Variants in NUTF2 observed in about 807,000 individuals in gnomAD.
NUTF2 encodes placental protein 15.
Under a neutral mutation model 18.5 loss-of-function variants are expected in NUTF2, and 3 were observed. That is an observed-to-expected ratio of 0.16 (90% CI 0.07 to 0.42). The LOEUF (loss-of-function observed/expected upper bound fraction) is 0.42. Ranked by LOEUF, NUTF2 falls within the 10% of genes least tolerant of loss-of-function variation. The probability of loss-of-function intolerance (pLI) is 0.99; values close to 1 mark genes in which losing one functional copy is unlikely to be tolerated. For missense variants in NUTF2, 44 were observed against 160.7 expected (o/e 0.27, Z 3.93); for synonymous variants, 51 against 57.9 (o/e 0.88, Z 0.54).
intron 1 of NUTF2, among the ~76,000 whole-genome samples, chr16:67,850,982 G>A (rs1235412399): frequency 4.7e-5 from 7 of 150,532 alleles, no homozygotes; most frequent in Non-Finnish European, 7.4e-5. Flanking sequence ...TGTATTCTTA[G>A]TAGAGATGGG....
At chr16:67,864,919 G>A (rs1270068640) in intron 1 of NUTF2, among the ~76,000 whole-genome samples, 183 bp from the exon 2 acceptor site, 2 of 152,132 alleles carry the variant, frequency 1.3e-5, no homozygotes, top group Non-Finnish European at 2.9e-5. Flanking sequence ...CTACCTCTGG[G>A]CTCCTAGCAC....
intron 1 of NUTF2, among the ~76,000 whole-genome samples, chr16:67,862,854 G>A (rs750352760): frequency 6.6e-6 from 1 of 152,180 alleles, no homozygotes; most frequent in Non-Finnish European, 1.5e-5. Flanking sequence ...ACATTTGCTG[G>A]TGCTGTTTCT....
At position 67,868,369 on chromosome 16, in the gene NUTF2, A is replaced by G. The variant is rs1028921675; in HGVS notation, c.129A>G (p.Gly43=). Residue 43 remains glycine (G), a synonymous_variant, in exon 3 of 5, where the codon GGA becomes GGG. Transcript: ENST00000219169. ...ACGCGTCATGCCTTACGTGGGAAGG[A>G]CAACAGTTCCAGGGGAAAGCTGCCA... ...YIDASCLTWE[G]QQFQGKAAIV... 2.5e-6 allele frequency: 4 copies of G among 1,614,116 alleles called. No individual in the cohort carries two copies. The highest frequency in any genetic ancestry group is 1.6e-4 in the Middle Eastern group (1 of 6,062).
rs2058019561 is a variant in NUTF2, at chr16:67,872,334, C to A, written c.*1421C>A. 1 of 152,288 alleles carries A rather than the reference C, an allele frequency of 6.6e-6. No homozygotes were observed. The highest frequency in any genetic ancestry group is 2.1e-4 in the South Asian group (1 of 4,828). 9.4% of individuals were successfully genotyped at this position (152,288 alleles called of 1,614,324 possible). On this transcript the variant is annotated 3_prime_UTR_variant, in exon 5 of 5. Coordinates refer to ENST00000219169, the MANE Select transcript of NUTF2 (RefSeq NM_005796.3). ...GTGGAGGCTAAGGACCTCCTCAGAT[C>A]CCACAGATTGCCTGGTGACATTGGG...
chr16:67,864,038 T>TC (rs2057952007), intron 1 of NUTF2, among the ~76,000 whole-genome samples: 1 of 152,184 alleles, frequency 6.6e-6, no homozygotes, highest in Admixed American at 6.5e-5. Flanking sequence ...CATCCCCTCT[T>TC]CCCACAACCC....
At chr16:67,863,553 T>C (rs1196981839) in intron 1 of NUTF2, among the ~76,000 whole-genome samples, 1 of 152,180 alleles carries the variant, frequency 6.6e-6, no homozygotes, top group Non-Finnish European at 1.5e-5. Flanking sequence ...GAGGGCTTTA[T>C]CATGTTCCTT....
intron 1 of NUTF2, chr16:67,856,198 T>C: frequency 3.4e-6 from 1 of 297,596 alleles, no homozygotes; most frequent in Non-Finnish European, 6.4e-6. Flanking sequence ...TTTTTTTTTG[T>C]TGTTGTTGTT....
intron 1 of NUTF2, among the ~76,000 whole-genome samples, chr16:67,853,534 T>A (rs1191590317): frequency 4.6e-5 from 7 of 151,982 alleles, no homozygotes; most frequent in Non-Finnish European, 8.8e-5. Flanking sequence ...ATTTTTGTAT[T>A]TTTAGTAGAG....
chr16:67,859,978 T>C (rs78549924), intron 1 of NUTF2, among the ~76,000 whole-genome samples: 4 of 149,252 alleles, frequency 2.7e-5, no homozygotes, highest in Non-Finnish European at 6.0e-5. Context: ...ATTTTATTAT[T>C]TTTTTTTTTC....
chr16:67,848,677 G>A (rs1326011860), intron 1 of NUTF2, among the ~76,000 whole-genome samples: 2 of 151,968 alleles, frequency 1.3e-5, no homozygotes, highest in Non-Finnish European at 2.9e-5. Context: ...GGGAGGCAGA[G>A]GTTGCAGTGG....
chr16:67,866,626 C>T (rs1339734048), intron 2 of NUTF2, among the ~76,000 whole-genome samples: 1 of 152,012 alleles, frequency 6.6e-6, no homozygotes, highest in South Asian at 2.1e-4. Flanking sequence ...TTGCCATGCC[C>T]GGCTAATTTT....
chr16:67,866,306 G>GA (rs1555496260), intron 2 of NUTF2, among the ~76,000 whole-genome samples: 1 of 134,034 alleles, frequency 7.5e-6, no homozygotes, highest in African/African-American at 2.8e-5. Context: ...TCATAGTAGA[G>GA]TTTTTTTTTT....
Position 67,868,351 on chromosome 16 carries a change from A to G in NUTF2, c.111A>G (p.Ser37=). The G allele has an allele frequency of 2.5e-6, 4 of 1,613,986 alleles. No homozygotes were observed. The highest frequency in any genetic ancestry group is 2.5e-6 in the Non-Finnish European group (3 of 1,179,958). The change falls in exon 3 of 5, where the codon TCA becomes TCG. Residue 37 remains serine (S), a synonymous_variant. Transcript: ENST00000219169. The stretch of plus-strand genomic sequence containing the variant: ...TGTGCCTTTTTCAGATTGACGCGTC[A>G]TGCCTTACGTGGGAAGGACAACAGT... ...TQLGAIYIDA[S]CLTWEGQQFQ...
In NUTF2 at chr16:67,870,786, T is replaced by C. The variant is rs576844950; in HGVS notation, c.271-14T>C. The C allele has an allele frequency of 2.5e-6, 4 of 1,599,356 alleles. No individual in the cohort carries two copies. In the South Asian group the frequency reaches 4.4e-5, roughly 18 times the overall value. On this transcript the variant is annotated splice_polypyrimidine_tract_variant and intron_variant, in intron 4 of 4. Transcript: ENST00000219169. ...CTTGATCCCCTTACTGAATCCTCTT[T>C]TCTCTCCTCATAGGCGGATGAAGAC...
chr16:67,860,895 C>T (rs1160135315), intron 1 of NUTF2, among the ~76,000 whole-genome samples: 4 of 152,308 alleles, frequency 2.6e-5, no homozygotes, highest in East Asian at 3.9e-4. Context: ...GTTGTGACCT[C>T]GAAGGTTTGA....
intron 1 of NUTF2, among the ~76,000 whole-genome samples, chr16:67,858,660 A>G (rs2057914193): frequency 6.6e-6 from 1 of 152,204 alleles, no homozygotes; most frequent in African/African-American, 2.4e-5. Context: ...GTGCAACTGT[A>G]GAGGAGGGGA....
At chr16:67,852,569 G>C (rs1019486572) in intron 1 of NUTF2, among the ~76,000 whole-genome samples, 3 of 152,142 alleles carry the variant, frequency 2.0e-5, no homozygotes, top group African/African-American at 7.2e-5. Context: ...TGTTGGCCAG[G>C]CTGGTCTCAA....
intron 2 of NUTF2, among the ~76,000 whole-genome samples, chr16:67,867,120 C>T (rs1207306665): frequency 6.6e-6 from 1 of 151,800 alleles, no homozygotes; most frequent in Admixed American, 6.6e-5. Context: ...TACAGGCACG[C>T]ACCACCATGC....
intron 2 of NUTF2, among the ~76,000 whole-genome samples, chr16:67,866,752 C>G (rs755436593): frequency 2.6e-5 from 4 of 151,694 alleles, no homozygotes; most frequent in Non-Finnish European, 5.9e-5. Context: ...CAGGCATAAG[C>G]CACCGCGCCC....
Sources: gnomAD v4.1 joint callset for allele counts (sites outside exome capture counted in the v4.1 genomes callset) on GRCh38, gnomAD v4.1.1 for gene constraint, MANE v1.5 for transcripts, NCBI Gene and HGNC (gene_info 2026-07-23, HGNC 2026-07-21) for gene names.